The following PPP1R13B variants were observed in gnomAD, a reference collection of about 807,000 sequenced individuals.
PPP1R13B encodes the protein apoptosis-stimulating of p53 protein 1.
Under a neutral mutation model 119.8 loss-of-function variants are expected in PPP1R13B, and 44 were observed. That is an observed-to-expected ratio of 0.37 (90% CI 0.29 to 0.47). PPP1R13B has a LOEUF of 0.47. Ranked by LOEUF, PPP1R13B falls within the 20% of genes least tolerant of loss-of-function variation. The pLI, the probability that PPP1R13B is intolerant of heterozygous loss-of-function variation, is 0.99. For missense variants in PPP1R13B, 1,227 were observed against 1,413.5 expected, an observed-to-expected ratio of 0.87 and a Z score of 2.12; for synonymous variants, 542 against 561.5, an observed-to-expected ratio of 0.97 and a Z score of 0.49.
At chr14:103,748,066 T>TACACACACAC (rs58398068) in intron 8 of PPP1R13B, among the ~76,000 whole-genome samples, 11 of 138,136 alleles carry the variant, frequency 8.0e-5, no homozygotes, top group East Asian at 2.2e-4. Flanking sequence ...TTAAATCACA[T>TACACACACAC]ACACACACAC....
chr14:103,744,268 A>C (rs186287262), intron 9 of PPP1R13B, among the ~76,000 whole-genome samples: 329 of 152,386 alleles, frequency 2.2e-3, no homozygotes, highest in Middle Eastern at 0.02. Flanking sequence ...TTATAGAGGA[A>C]CAATTATCTT....
At chr14:103,762,281 A>G (rs548831496) in intron 4 of PPP1R13B, among the ~76,000 whole-genome samples, 1 of 152,330 alleles carries the variant, frequency 6.6e-6, no homozygotes, top group African/African-American at 2.4e-5. Flanking sequence ...TTGTGATTAC[A>G]AAATCAGTTA....
Position 103,847,312 on chromosome 14 carries a change from G to A in PPP1R13B, c.-5C>T. 2 of 1,248,998 alleles carry A rather than the reference G, an allele frequency of 1.6e-6. No individual in the cohort carries two copies. Among genetic ancestry groups the A allele is most frequent in the Non-Finnish European group, 2.0e-6 (2 of 976,856 alleles). The allele number at this position is 1,248,998 out of a possible 1,614,324, so 77.4% of individuals were successfully genotyped here. ...GCCCTCACCCACCGGCATCATCGCG[G>A]GGAGAGTCCGCGACGCCCTCGGCCG... is the stretch of plus-strand genomic sequence containing the variant. On this transcript the variant is annotated 5_prime_UTR_variant, in exon 1 of 17. Coordinates refer to ENST00000202556, the MANE Select transcript of PPP1R13B (RefSeq NM_015316.3).
intron 1 of PPP1R13B, among the ~76,000 whole-genome samples, chr14:103,833,856 T>A (rs1477495760): frequency 2.0e-5 from 3 of 152,130 alleles, no homozygotes; most frequent in Non-Finnish European, 4.4e-5. Flanking sequence ...TTTAGTTACA[T>A]GATTGTTCTC....
chr14:103,797,268 T>C (rs945270241), intron 2 of PPP1R13B, 103 bp downstream of exon 2: 20 of 1,201,232 alleles, frequency 1.7e-5, no homozygotes, highest in South Asian at 8.2e-5. Flanking sequence ...TTACTTTTTT[T>C]CCCCATCTTT....
intron 4 of PPP1R13B, among the ~76,000 whole-genome samples, chr14:103,760,078 T>C (rs2084769071): frequency 1.3e-5 from 2 of 152,076 alleles, no homozygotes; most frequent in South Asian, 2.1e-4. Context: ...TGTGATTTAA[T>C]TGTATTTAAA....
chr14:103,844,756 G>A (rs966100656), intron 1 of PPP1R13B, among the ~76,000 whole-genome samples: 2 of 151,936 alleles, frequency 1.3e-5, no homozygotes, highest in Non-Finnish European at 2.9e-5. Context: ...AAGTTACCAC[G>A]ACATTATATA....
At chr14:103,765,244 A>G (rs1178405305) in intron 4 of PPP1R13B, among the ~76,000 whole-genome samples, 3 of 152,234 alleles carry the variant, frequency 2.0e-5, no homozygotes, top group Non-Finnish European at 2.9e-5. Flanking sequence ...CATTGTATTC[A>G]GATTATTTGA....
At chr14:103,775,780 A>G (rs2085173633) in intron 4 of PPP1R13B, among the ~76,000 whole-genome samples, 1 of 152,184 alleles carries the variant, frequency 6.6e-6, no homozygotes. Context: ...GACGTCCTGA[A>G]GCAGATCCGC....
rs2084054838 is a variant in PPP1R13B, at chr14:103,734,906, T to C, written c.*248A>G. The C allele has an allele frequency of 1.6e-6, 1 of 631,156 alleles. No individual in the cohort carries two copies. Among genetic ancestry groups the C allele is most frequent in the East Asian group, 3.2e-5 (1 of 31,440 alleles). The allele number at this position is 631,156 out of a possible 1,614,324, so 39.1% of individuals were successfully genotyped here. ...GAGGGGTGGGTGTTTTGAAAGTGGGTATTTATTTGGATTTATAGTAATTGG... is the reference window on the plus strand; with the variant it reads ...GAGGGGTGGGTGTTTTGAAAGTGGGCATTTATTTGGATTTATAGTAATTGG... On this transcript the variant is annotated 3_prime_UTR_variant, in exon 17 of 17. Coordinates refer to ENST00000202556, the MANE Select transcript of PPP1R13B (RefSeq NM_015316.3).
Position 103,810,463 on chromosome 14 carries a change from C to T in PPP1R13B, c.10-12945G>A, listed in dbSNP as rs1251686243. On this transcript the variant is annotated intron_variant, in intron 1 of 16. Transcript: ENST00000202556. ...TAAAGAACAGTATCAATTCTGACAC[C>T]ACTGTTCATCAATATTGAAAATTAC... is the stretch of plus-strand genomic sequence containing the variant. Among the ~76,000 whole-genome samples, 3 of 151,734 alleles carry T rather than the reference C, an allele frequency of 2.0e-5. No homozygotes were observed. In the East Asian group the frequency reaches 5.9e-4, roughly 30 times the overall value.
At chr14:103,788,972 G>C (rs919272383) in intron 2 of PPP1R13B, among the ~76,000 whole-genome samples, 2 of 152,078 alleles carry the variant, frequency 1.3e-5, no homozygotes, top group African/African-American at 4.8e-5. Flanking sequence ...GTATTGCAGG[G>C]AGGAGAGGAT....
chr14:103,750,087 A>G (rs1341133333), intron 7 of PPP1R13B, among the ~76,000 whole-genome samples, 153 bp from the exon 8 acceptor site: 2 of 152,260 alleles, frequency 1.3e-5, no homozygotes, highest in Non-Finnish European at 2.9e-5. Flanking sequence ...TCACAGGTAC[A>G]GCAGAGATAA....
chr14:103,845,689 G>A (rs1046777112), intron 1 of PPP1R13B, among the ~76,000 whole-genome samples: 1 of 152,110 alleles, frequency 6.6e-6, no homozygotes, highest in African/African-American at 2.4e-5. Flanking sequence ...GACGAAGCCA[G>A]CCAAAATTTT....
chr14:103,847,058 C>A (rs2087059283), intron 1 of PPP1R13B: 1 of 1,018,218 alleles, frequency 9.8e-7, no homozygotes, highest in South Asian at 3.4e-5. Flanking sequence ...CTTCTCCCCG[C>A]GGCCGCGGAG....
At chr14:103,753,419 G>C (rs1295446996) in intron 6 of PPP1R13B, among the ~76,000 whole-genome samples, 1 of 152,122 alleles carries the variant, frequency 6.6e-6, no homozygotes, top group East Asian at 1.9e-4. Flanking sequence ...CTATTCTTTA[G>C]GGTAATCAGT....
chr14:103,735,043 T>C lies in PPP1R13B; in HGVS notation c.*111A>G. ...ACATTGTGGACGCTGTCTGCTAAAGTGAGCACCATTAAGACCATTTTCTAG... is the reference window on the plus strand; with the variant it reads ...ACATTGTGGACGCTGTCTGCTAAAGCGAGCACCATTAAGACCATTTTCTAG... On this transcript the variant is annotated 3_prime_UTR_variant, in exon 17 of 17. Transcript: ENST00000202556. The C allele has an allele frequency of 8.3e-7, 1 of 1,197,768 alleles. No individual in the cohort carries two copies. The highest frequency in any genetic ancestry group is 1.2e-6 in the Non-Finnish European group (1 of 810,198). 74.2% of individuals were successfully genotyped at this position (1,197,768 alleles called of 1,614,324 possible).
chr14:103,813,140 G>A (rs2086198964), intron 1 of PPP1R13B, among the ~76,000 whole-genome samples: 1 of 152,082 alleles, frequency 6.6e-6, no homozygotes, highest in African/African-American at 2.4e-5. Flanking sequence ...GCCAAAACTT[G>A]GAAGCAACCA....
At chr14:103,754,971 AC>A (rs2084640399) in intron 5 of PPP1R13B, among the ~76,000 whole-genome samples, 1 of 151,996 alleles carries the variant, frequency 6.6e-6, no homozygotes. Flanking sequence ...TTTAGTAGAG[AC>A]AGGGTTTCAC....
Sources: gnomAD v4.1 joint callset for allele counts (sites outside exome capture counted in the v4.1 genomes callset) on GRCh38, gnomAD v4.1.1 for gene constraint, MANE v1.5 for transcripts, NCBI Gene and HGNC (gene_info 2026-07-23, HGNC 2026-07-21) for gene names.